The following KCNIP3 variants were observed in gnomAD, a reference collection of about 807,000 sequenced individuals.
KCNIP3 encodes potassium voltage-gated channel interacting protein 3.
A neutral mutation model predicts 35.0 loss-of-function variants in KCNIP3; 28 were observed. The observed-to-expected ratio is 0.80, with a 90% CI of 0.59 to 1.10. KCNIP3 has a LOEUF of 1.10. Ranked by LOEUF, KCNIP3 falls within the 50% of genes least tolerant of loss-of-function variation. The pLI is 0.00. For synonymous variants in KCNIP3, 134 were observed against 133.8 expected, an observed-to-expected ratio of 1.00 and a Z score of -0.01; for missense variants, 295 against 338.4, an observed-to-expected ratio of 0.87 and a Z score of 1.01.
Position 95,378,546 on chromosome 2 carries a change from C to T in KCNIP3, c.448-3050C>T, listed in dbSNP as rs982519090. Reference sequence around the variant, plus strand: ...GGTCAGGAGTTTGAGACAAGCCTGGCCAACATAGCGAAACCCCGTCTCTAC... The same window carrying T: ...GGTCAGGAGTTTGAGACAAGCCTGGTCAACATAGCGAAACCCCGTCTCTAC... On this transcript the variant is annotated intron_variant, in intron 5 of 8. Transcript: ENST00000295225. The surrounding 1 kb of genome is among the most constrained non-coding windows in gnomAD (Gnocchi z 4.0). Among the ~76,000 whole-genome samples, 6 of 151,152 alleles carry T rather than the reference C, an allele frequency of 4.0e-5. No homozygotes were observed. Among genetic ancestry groups the T allele is most frequent in the Admixed American group, 4.0e-4 (6 of 15,152 alleles).
At position 95,304,121 on chromosome 2, in the gene KCNIP3, C is replaced by T. The variant is rs147019007; in HGVS notation, c.16-6234C>T. ...CACTCAGACTTGAGGGGTCGCCTGG[C>T]TGAGTCGAGCAAGCCCCCAGCCTCA... On this transcript the variant is annotated intron_variant, in intron 1 of 8. Transcript: ENST00000295225. Among the ~76,000 whole-genome samples the T allele has an allele frequency of 8.7e-4, 133 of 152,336 alleles. 3 individuals carry two copies. The East Asian group carries it at 0.022, about 25-fold the overall frequency.
intron 2 of KCNIP3, among the ~76,000 whole-genome samples, chr2:95,322,790 C>T (rs930054279): frequency 2.6e-5 from 4 of 152,208 alleles, no homozygotes; most frequent in Non-Finnish European, 5.9e-5. Flanking sequence ...CTCCTGTTCA[C>T]GGGACGGGGC....
chr2:95,326,760 G>T (rs951336820), intron 2 of KCNIP3, among the ~76,000 whole-genome samples: 3 of 152,218 alleles, frequency 2.0e-5, no homozygotes, highest in Admixed American at 1.3e-4. Flanking sequence ...GTTGGTCCTC[G>T]AATAAATTCC....
chr2:95,329,801 C>T (rs1678882571), intron 2 of KCNIP3, among the ~76,000 whole-genome samples: 1 of 152,256 alleles, frequency 6.6e-6, no homozygotes, highest in South Asian at 2.1e-4. Flanking sequence ...GCCTTCGATC[C>T]TGGGTGCTGC....
chr2:95,380,927 G>A (rs1237506038), intron 5 of KCNIP3, among the ~76,000 whole-genome samples: 3 of 152,128 alleles, frequency 2.0e-5, no homozygotes, highest in Non-Finnish European at 4.4e-5. Flanking sequence ...GTGGAGGATC[G>A]CTTGAGCCTG....
At chr2:95,327,624 C>T (rs1308162742) in intron 2 of KCNIP3, among the ~76,000 whole-genome samples, 3 of 152,210 alleles carry the variant, frequency 2.0e-5, no homozygotes, top group African/African-American at 7.2e-5. Flanking sequence ...CCTTCTCTGT[C>T]TTGGGCAGGT....
chr2:95,348,622 C>T (rs1679436608), intron 2 of KCNIP3, among the ~76,000 whole-genome samples: 1 of 152,200 alleles, frequency 6.6e-6, no homozygotes, highest in African/African-American at 2.4e-5. Context: ...TGAGGTTTGC[C>T]TTTGTGATTT....
At chr2:95,362,720 A>G (rs1679830143) in intron 2 of KCNIP3, among the ~76,000 whole-genome samples, 1 of 152,020 alleles carries the variant, frequency 6.6e-6, no homozygotes, top group African/African-American at 2.4e-5. Flanking sequence ...GTAGATACAG[A>G]TGAAGCTTCA....
At chr2:95,334,465 C>T (rs777693815) in intron 2 of KCNIP3, among the ~76,000 whole-genome samples, 10 of 152,210 alleles carry the variant, frequency 6.6e-5, no homozygotes, top group African/African-American at 9.7e-5. Context: ...CTTGGATCTC[C>T]CTACCGTCAC....
intron 2 of KCNIP3, among the ~76,000 whole-genome samples, chr2:95,325,993 A>G (rs1483463446): frequency 6.6e-6 from 1 of 151,688 alleles, no homozygotes; most frequent in Admixed American, 6.6e-5. Flanking sequence ...CTACACACTC[A>G]CACACACTCA....
At chr2:95,300,814 A>T (rs1678007752) in intron 1 of KCNIP3, among the ~76,000 whole-genome samples, 1 of 152,182 alleles carries the variant, frequency 6.6e-6, no homozygotes, top group Non-Finnish European at 1.5e-5. Context: ...CCCACACTAG[A>T]GTCGGCCCAG....
chr2:95,377,668 CG>C lies in KCNIP3; in HGVS notation c.447+2461del, dbSNP rs923447821. Among the ~76,000 whole-genome samples, 3 of 152,204 alleles carry C rather than the reference CG, an allele frequency of 2.0e-5. No individual in the cohort carries two copies. The highest frequency in any genetic ancestry group is 7.2e-5 in the African/African-American group (3 of 41,448). ...GTATGGCCAAGGAATTTAGAACCAG[CG>C]TGCACTCAGACATGGGCTGGCTGGA... On this transcript the variant is annotated intron_variant, in intron 5 of 8. Transcript: ENST00000295225. The surrounding 1 kb of genome is among the most constrained non-coding windows in gnomAD (Gnocchi z 4.7).
At chr2:95,342,465 C>T (rs576522429) in intron 2 of KCNIP3, among the ~76,000 whole-genome samples, 12 of 152,314 alleles carry the variant, frequency 7.9e-5, no homozygotes, top group Admixed American at 6.5e-5. Flanking sequence ...GTGCAGAATG[C>T]ATTAGTTAGG....
At chr2:95,375,877 T>C (rs1374145772) in intron 5 of KCNIP3, among the ~76,000 whole-genome samples, 1 of 152,194 alleles carries the variant, frequency 6.6e-6, no homozygotes, top group Admixed American at 6.5e-5. Flanking sequence ...GAGGAAAACC[T>C]TTCTGAGAGC....
chr2:95,375,274 G>GACAGTGACGCCAGGGTAA, intron 5 of KCNIP3, 66 bp downstream of exon 5: 3 of 1,440,244 alleles, frequency 2.1e-6, no homozygotes, highest in Non-Finnish European at 2.9e-6. Flanking sequence ...TCCTTACCCT[G>GACAGTGACGCCAGGGTAA]GCGTCACTGT....
At chr2:95,316,207 T>G (rs570897835) in intron 2 of KCNIP3, among the ~76,000 whole-genome samples, 1 of 152,388 alleles carries the variant, frequency 6.6e-6, no homozygotes, top group South Asian at 2.1e-4. Flanking sequence ...TTGAATGTTC[T>G]GGGTCATTAG....
rs1033065317 is a variant in KCNIP3, at chr2:95,376,540, G to C, written c.447+1332G>C. On this transcript the variant is annotated intron_variant, in intron 5 of 8. Coordinates refer to ENST00000295225, the MANE Select transcript of KCNIP3 (RefSeq NM_013434.5). The surrounding 1 kb of genome is among the most constrained non-coding windows in gnomAD (Gnocchi z 4.2). Reference sequence around the variant, plus strand: ...TCAGTGGCTGTGCTGTGGCCCCTCTGCTGGGCACCTTCTCAGAAGATCACT... The same window carrying C: ...TCAGTGGCTGTGCTGTGGCCCCTCTCCTGGGCACCTTCTCAGAAGATCACT... 2.6e-5 allele frequency among the ~76,000 whole-genome samples: 4 copies of C among 152,232 alleles called. No homozygotes were observed. Among genetic ancestry groups the C allele is most frequent in the Non-Finnish European group, 5.9e-5 (4 of 68,044 alleles).
intron 2 of KCNIP3, among the ~76,000 whole-genome samples, chr2:95,337,961 CTG>C (rs1175549488): frequency 6.6e-6 from 1 of 152,154 alleles, no homozygotes; most frequent in Non-Finnish European, 1.5e-5. Flanking sequence ...GTGTGGGAAA[CTG>C]GAGGTGGTGG....
chr2:95,313,940 C>G (rs1573483307), intron 2 of KCNIP3: 1 of 152,224 alleles, frequency 6.6e-6, no homozygotes, highest in Non-Finnish European at 1.5e-5. Flanking sequence ...CACATACACA[C>G]ACACACACAT....
Sources: gnomAD v4.1 joint callset for allele counts (sites outside exome capture counted in the v4.1 genomes callset) on GRCh38, gnomAD v4.1.1 for gene constraint, Gnocchi (gnomAD v3.1) non-coding constraint, MANE v1.5 for transcripts, NCBI Gene and HGNC (gene_info 2026-07-23, HGNC 2026-07-21) for gene names.